The following LMO2 variants were observed in gnomAD, a reference collection of about 807,000 sequenced individuals.
LMO2 encodes the protein LIM domain only 2.
A neutral mutation model predicts 23.2 loss-of-function variants in LMO2; 20 were observed. The ratio of observed to expected loss-of-function variants is 0.86; its 90% CI spans 0.61 to 1.25. The LOEUF (loss-of-function observed/expected upper bound fraction) is 1.25. LMO2 is among the 50% of genes most tolerant of loss of function. LMO2 has a pLI of 0.00. For missense variants in LMO2, 270 were observed against 315.3 expected, an observed-to-expected ratio of 0.86 and a Z score of 1.09; for synonymous variants, 123 against 130.2, an observed-to-expected ratio of 0.94 and a Z score of 0.38.
At position 33,883,181 on chromosome 11, in the gene LMO2, T is replaced by C. The variant is rs547847025; in HGVS notation, c.-335-1294A>G. Among the ~76,000 whole-genome samples the C allele has an allele frequency of 2.6e-5, 4 of 152,370 alleles. No individual in the cohort carries two copies. In the South Asian group the frequency reaches 8.3e-4, roughly 32 times the overall value. The stretch of plus-strand genomic sequence containing the variant: ...ACAAGATGTCCAACGTTTTAACTTC[T>C]AGAAACTGACCAAGGGGGATGGTAC... On this transcript the variant is annotated intron_variant, in intron 1 of 5. Coordinates refer to ENST00000257818, the MANE Select transcript of LMO2 (RefSeq NM_005574.4).
chr11:33,875,558 A>G (rs1200594574), intron 2 of LMO2, among the ~76,000 whole-genome samples: 1 of 147,884 alleles, frequency 6.8e-6, no homozygotes, highest in African/African-American at 2.5e-5. Flanking sequence ...AGCCTGGGCG[A>G]TAAGAGCAAA....
rs2133712289 is a variant in LMO2 at position 33,880,961 on chromosome 11, T to C, written c.-272+863A>G. On this transcript the variant is annotated intron_variant, in intron 2 of 5. Coordinates refer to ENST00000257818, the MANE Select transcript of LMO2 (RefSeq NM_005574.4). The surrounding 1 kb of genome is among the most constrained non-coding windows in gnomAD (Gnocchi z 4.3). ...ATAAACTTCTTTGCAGAAGCCCATT[T>C]GACTCCAAGGACAGAAAAAAAGAGT... is the stretch of plus-strand genomic sequence containing the variant. 1 of 345,016 alleles carries C rather than the reference T, an allele frequency of 2.9e-6. No individual in the cohort carries two copies. Among genetic ancestry groups the C allele is most frequent in the Non-Finnish European group, 5.7e-6 (1 of 175,088 alleles). 21.4% of individuals were successfully genotyped at this position (345,016 alleles called of 1,614,324 possible).
chr11:33,870,606 G>C (rs1856992264), intron 2 of LMO2: 1 of 984,380 alleles, frequency 1.0e-6, no homozygotes, highest in South Asian at 4.7e-5. Flanking sequence ...CCAGAGGGAG[G>C]GTGGCTGGGA....
At chr11:33,879,341 C>T (rs981830339) in intron 2 of LMO2, among the ~76,000 whole-genome samples, 6 of 151,756 alleles carry the variant, frequency 4.0e-5, no homozygotes, top group East Asian at 1.9e-4. Flanking sequence ...ACATATAGGC[C>T]GGGCACTGTG....
rs1400724203 is a variant in LMO2, at chr11:33,884,241, G to T, written c.-335-2354C>A. On this transcript the variant is annotated intron_variant, in intron 1 of 5. Transcript: ENST00000257818. ...GGGACCTACGTAGATATAGGACAGGGGCCCACCTGTTGAATAATGCCGAGA... is the reference window on the plus strand; with the variant it reads ...GGGACCTACGTAGATATAGGACAGGTGCCCACCTGTTGAATAATGCCGAGA... Among the ~76,000 whole-genome samples the T allele has an allele frequency of 2.0e-5, 3 of 152,206 alleles. No individual in the cohort carries two copies. In the East Asian group the frequency reaches 5.8e-4, roughly 29 times the overall value.
chr11:33,890,445 G>A (rs1282619198), intron 1 of LMO2, among the ~76,000 whole-genome samples: 3 of 152,102 alleles, frequency 2.0e-5, no homozygotes, highest in African/African-American at 2.4e-5. Context: ...TCCGCCTCCC[G>A]GGTTCAAGCA....
intron 4 of LMO2, among the ~76,000 whole-genome samples, chr11:33,867,451 T>C (rs1779990455): frequency 6.6e-6 from 1 of 152,254 alleles, no homozygotes; most frequent in Non-Finnish European, 1.5e-5. Context: ...ACATTATACT[T>C]AGTGGACAAT....
At position 33,876,331 on chromosome 11, in the gene LMO2, G is replaced by A. The variant is rs1459303815; in HGVS notation, c.-272+5493C>T. Among the ~76,000 whole-genome samples, 4 of 152,284 alleles carry A rather than the reference G, an allele frequency of 2.6e-5. No individual in the cohort carries two copies. In the East Asian group the frequency reaches 7.7e-4, roughly 29 times the overall value. ...CAGCTAGAATGTAAACTCTGTGAGG[G>A]TGGAAACTCTTTCTGACCTGTTCCC... On this transcript the variant is annotated intron_variant, in intron 2 of 5. Coordinates refer to ENST00000257818, the MANE Select transcript of LMO2 (RefSeq NM_005574.4).
chr11:33,889,036 G>C (rs1184484935), intron 1 of LMO2, among the ~76,000 whole-genome samples: 1 of 152,200 alleles, frequency 6.6e-6, no homozygotes, highest in African/African-American at 2.4e-5. Context: ...TACCCTCGAG[G>C]AGTCTTGGAT....
intron 2 of LMO2, 148 bp downstream of exon 2, chr11:33,881,676 T>C (rs1857286784): frequency 3.0e-6 from 1 of 328,156 alleles, no homozygotes. Context: ...AATTGTTAAG[T>C]GCAGTCTGGC....
intron 1 of LMO2, among the ~76,000 whole-genome samples, chr11:33,889,357 T>C (rs949530878): frequency 2.0e-5 from 3 of 152,156 alleles, no homozygotes; most frequent in Non-Finnish European, 4.4e-5. Context: ...AGAGCACAGA[T>C]GAGCTCGCAG....
intron 2 of LMO2, among the ~76,000 whole-genome samples, chr11:33,877,839 G>C (rs1308984715): frequency 6.7e-6 from 1 of 149,660 alleles, no homozygotes; most frequent in Non-Finnish European, 1.5e-5. Flanking sequence ...TGCTCCCTAG[G>C]AATGCCCATT....
chr11:33,869,210 GC>G (rs1322523321), intron 4 of LMO2, 135 bp downstream of exon 4: 17 of 508,536 alleles, frequency 3.3e-5, no homozygotes, highest in Middle Eastern at 7.7e-4. Context: ...GGAGCCCAGC[GC>G]TCGGCACAGG....
Position 33,869,502 on chromosome 11 carries a change from T to TCGC in LMO2, c.89_91dup (p.Gly30dup). On this transcript the variant is annotated inframe_insertion, in exon 4 of 6. Transcript: ENST00000257818. ...TCGGGCGCCGCCGCCGCCGCCGCCG[T>TCGC]CGCCGCCGCTCCTGCGCCTCCGCTT... is the stretch of plus-strand genomic sequence containing the variant. 10 of 1,197,000 alleles carry TCGC rather than the reference T, an allele frequency of 8.4e-6. No individual in the cohort carries two copies. The highest frequency in any genetic ancestry group is 1.0e-5 in the Non-Finnish European group (10 of 961,712). The allele number at this position is 1,197,000 out of a possible 1,614,324, so 74.1% of individuals were successfully genotyped here. A position where few individuals can be genotyped will look rare whatever the true frequency, so the allele number is the denominator to read the frequency against.
intron 2 of LMO2, among the ~76,000 whole-genome samples, chr11:33,878,781 T>G (rs1161147922): frequency 6.6e-6 from 1 of 152,238 alleles, no homozygotes; most frequent in Non-Finnish European, 1.5e-5. Context: ...GGTGCCTCAT[T>G]AGATTCTGCC....
chr11:33,884,456 AT>A (rs1391297440), intron 1 of LMO2, among the ~76,000 whole-genome samples: 1 of 152,126 alleles, frequency 6.6e-6, no homozygotes, highest in African/African-American at 2.4e-5. Context: ...GGTGTTAACT[AT>A]TTGGACAAAT....
chr11:33,881,466 T>C (rs562554526), intron 2 of LMO2: 4 of 448,500 alleles, frequency 8.9e-6, no homozygotes, highest in South Asian at 4.7e-5. Flanking sequence ...GGTCAAGCAA[T>C]TGTGACTTGG....
At chr11:33,877,894 G>A (rs192367502) in intron 2 of LMO2, among the ~76,000 whole-genome samples, 2 of 151,864 alleles carry the variant, frequency 1.3e-5, no homozygotes, top group Admixed American at 6.6e-5. Context: ...AGAAAGAGCT[G>A]CTTGTTTTTT....
chr11:33,874,937 T>C (rs556462840), intron 2 of LMO2, among the ~76,000 whole-genome samples: 1 of 152,362 alleles, frequency 6.6e-6, no homozygotes, highest in South Asian at 2.1e-4. Context: ...CCTCAGTGAG[T>C]TCTTAGCAGT....
Sources: allele counts gnomAD v4.1 joint callset (sites outside exome capture counted in the v4.1 genomes callset), GRCh38; gene constraint gnomAD v4.1.1; non-coding constraint Gnocchi (gnomAD v3.1); transcripts MANE v1.5; gene names NCBI Gene and HGNC (gene_info 2026-07-23, HGNC 2026-07-21).